SRP54: variants seen among roughly 807,000 people sequenced by gnomAD.
SRP54 encodes signal recognition particle subunit SRP54.
SRP54 carries 10 observed loss-of-function variants against 64.8 expected under a neutral mutation model. The ratio of observed to expected loss-of-function variants is 0.15; its 90% CI spans 0.10 to 0.26. The LOEUF (loss-of-function observed/expected upper bound fraction) is 0.26, where lower values mean the gene tolerates loss of function less well. SRP54 is among the 10% of genes least tolerant of loss of function. The pLI is 1.00. For synonymous variants in SRP54, 193 were observed against 185.6 expected, an observed-to-expected ratio of 1.04 and a Z score of -0.32; for missense variants, 325 against 613.7, an observed-to-expected ratio of 0.53 and a Z score of 4.97.
intron 13 of SRP54, chr14:35,019,389 G>A: frequency 5.2e-6 from 1 of 194,082 alleles, no homozygotes. Flanking sequence ...AGTTTTTAAA[G>A]AGTTAAATTT....
At chr14:35,013,938 AG>A in intron 10 of SRP54, 36 bp downstream of exon 10, 1 of 1,387,896 alleles carries the variant, frequency 7.2e-7, no homozygotes, top group Non-Finnish European at 1.0e-6. Flanking sequence ...AAAATCTCCA[AG>A]AAATACGATG....
intron 2 of SRP54, among the ~76,000 whole-genome samples, chr14:34,998,992 TG>T (rs2044121163): frequency 1.0e-5 from 1 of 96,608 alleles, no homozygotes; most frequent in African/African-American, 3.3e-5. Flanking sequence ...TGTGTGTGTG[TG>T]TGTGTGTGTG....
intron 1 of SRP54, among the ~76,000 whole-genome samples, chr14:34,992,829 C>A (rs1195897609): frequency 6.6e-6 from 1 of 151,244 alleles, no homozygotes; most frequent in East Asian, 1.9e-4. Flanking sequence ...CTAAAGTTTG[C>A]CCCCCCAAAA....
intron 2 of SRP54, among the ~76,000 whole-genome samples, chr14:34,999,319 A>G (rs554268359): frequency 6.6e-6 from 1 of 152,018 alleles, no homozygotes; most frequent in Non-Finnish European, 1.5e-5. Flanking sequence ...CGGGCCTATA[A>G]TTACTTTTAT....
intron 8 of SRP54, among the ~76,000 whole-genome samples, chr14:35,012,332 C>G (rs1240681549): frequency 6.6e-6 from 1 of 151,624 alleles, no homozygotes; most frequent in Non-Finnish European, 1.5e-5. Context: ...TATTAATTAT[C>G]ATTTTGTGTC....
intron 11 of SRP54, among the ~76,000 whole-genome samples, chr14:35,016,570 T>C (rs556257648): frequency 3.9e-5 from 6 of 152,348 alleles, no homozygotes; most frequent in East Asian, 3.9e-4. Flanking sequence ...TAAATGTCCT[T>C]CTTCAGGGAC....
intron 8 of SRP54, among the ~76,000 whole-genome samples, chr14:35,012,895 A>G (rs2044377068): frequency 6.6e-6 from 1 of 152,042 alleles, no homozygotes; most frequent in South Asian, 2.1e-4. Context: ...TAGTACTTCA[A>G]CAAATATTTA....
At chr14:34,998,417 T>C (rs1351884624) in intron 2 of SRP54, among the ~76,000 whole-genome samples, 1 of 152,098 alleles carries the variant, frequency 6.6e-6, no homozygotes, top group African/African-American at 2.4e-5. Context: ...TAATGGAGAG[T>C]AGCCTCCTTT....
At chr14:35,021,923 T>G (rs948778466) in intron 13 of SRP54, among the ~76,000 whole-genome samples, 3 of 152,188 alleles carry the variant, frequency 2.0e-5, no homozygotes, top group African/African-American at 7.2e-5. Flanking sequence ...TGAGATTGCA[T>G]GCAACTGAAG....
At chr14:35,014,249 T>A (rs1347790735) in intron 10 of SRP54, among the ~76,000 whole-genome samples, 1 of 150,306 alleles carries the variant, frequency 6.7e-6, no homozygotes, top group Non-Finnish European at 1.5e-5. Context: ...CAGTCCTTGC[T>A]TTGCCACTTG....
intron 11 of SRP54, 96 bp from the exon 12 acceptor site, chr14:35,018,596 G>A (rs2044478799): frequency 1.1e-6 from 1 of 921,214 alleles, no homozygotes; most frequent in African/African-American, 1.7e-5. Context: ...TTATAAATAT[G>A]CTTCAAGATG....
chr14:35,007,193 C>CA, intron 4 of SRP54, 90 bp from the exon 5 acceptor site: 1 of 825,598 alleles, frequency 1.2e-6, no homozygotes, highest in Non-Finnish European at 1.8e-6. Flanking sequence ...GACCCTGTCT[C>CA]AAAAAAGGAA....
chr14:35,013,694 G>T, intron 9 of SRP54, 108 bp from the exon 10 acceptor site: 1 of 1,133,062 alleles, frequency 8.8e-7, no homozygotes. Context: ...CTTGAGTTTT[G>T]TACCTTTGTC....
chr14:35,004,330 G>C (rs1451447446), intron 4 of SRP54, among the ~76,000 whole-genome samples: 2 of 152,174 alleles, frequency 1.3e-5, no homozygotes, highest in African/African-American at 4.8e-5. Flanking sequence ...GTTTTCTGAT[G>C]AGGGTCAGTA....
intron 4 of SRP54, chr14:35,004,513 G>A (rs1031455302): frequency 1.3e-5 from 2 of 152,296 alleles, no homozygotes; most frequent in East Asian, 1.9e-4. Context: ...AGATTTTAAT[G>A]TAACGAGTAT....
intron 4 of SRP54, among the ~76,000 whole-genome samples, chr14:35,006,551 G>C (rs1407596138): frequency 6.6e-6 from 1 of 151,912 alleles, no homozygotes; most frequent in Non-Finnish European, 1.5e-5. Flanking sequence ...TAATTTTTTA[G>C]ATGTATTGGG....
chr14:35,011,937 G>C (rs1595002190), intron 8 of SRP54, among the ~76,000 whole-genome samples: 1 of 152,080 alleles, frequency 6.6e-6, no homozygotes, highest in East Asian at 1.9e-4. Context: ...TTAGTAATTA[G>C]GCCGGGTATG....
At chr14:35,003,648 A>C (rs1237328433) in intron 4 of SRP54, among the ~76,000 whole-genome samples, 1 of 148,264 alleles carries the variant, frequency 6.7e-6, no homozygotes, top group Non-Finnish European at 1.5e-5. Flanking sequence ...GGCTTGCTGC[A>C]GCCTCATCCT....
At chr14:34,996,547 G>C (rs2044075725) in intron 1 of SRP54, 130 bp from the exon 2 acceptor site, 2 of 569,150 alleles carry the variant, frequency 3.5e-6, no homozygotes, top group Non-Finnish European at 3.2e-6. Context: ...TTTAAGCACA[G>C]GTTGAGGCTA....
Sources: allele counts gnomAD v4.1 joint callset (sites outside exome capture counted in the v4.1 genomes callset), GRCh38; gene constraint gnomAD v4.1.1; transcripts MANE v1.5; gene names NCBI Gene and HGNC (gene_info 2026-07-23, HGNC 2026-07-21).